The following PCDHGB7 variants were observed in gnomAD, a reference collection of about 807,000 sequenced individuals.
The protein encoded by PCDHGB7 is protocadherin gamma-B7.
Under a neutral mutation model 61.4 loss-of-function variants are expected in PCDHGB7, and 37 were observed. The observed-to-expected ratio is 0.60, with a 90% CI of 0.46 to 0.79. PCDHGB7 has a LOEUF of 0.79. Ranked by LOEUF, PCDHGB7 falls within the 30% of genes least tolerant of loss-of-function variation. The probability of loss-of-function intolerance (pLI) is 0.00; values close to 1 mark genes in which losing one functional copy is unlikely to be tolerated. For missense variants in PCDHGB7, 1,166 were observed against 1,202.5 expected, an observed-to-expected ratio of 0.97 and a Z score of 0.45; for synonymous variants, 464 against 503.5, an observed-to-expected ratio of 0.92 and a Z score of 1.05.
At chr5:141,488,855 C>T (rs1441666819) in intron 1 of PCDHGB7, among the ~76,000 whole-genome samples, 2 of 152,190 alleles carry the variant, frequency 1.3e-5, no homozygotes, top group Non-Finnish European at 1.5e-5. Context: ...ACCTGCAGCA[C>T]GAAGTGAGTG....
At chr5:141,427,812 G>A (rs1380721111) in intron 1 of PCDHGB7, 1 of 1,524,286 alleles carries the variant, frequency 6.6e-7, no homozygotes, top group African/African-American at 1.4e-5. Context: ...CGCACAGAGC[G>A]GGGTGGTGGT....
chr5:141,479,328 G>A (rs568506786), intron 1 of PCDHGB7: 1 of 152,654 alleles, frequency 6.6e-6, no homozygotes, highest in East Asian at 1.9e-4. Flanking sequence ...CAGACTCAGT[G>A]GTGTGCACCT....
chr5:141,448,795 A>T (rs577803435), intron 1 of PCDHGB7, among the ~76,000 whole-genome samples: 1 of 152,086 alleles, frequency 6.6e-6, no homozygotes, highest in African/African-American at 2.4e-5. Context: ...AAAAAAAAAA[A>T]TTAGCCAGGC....
rs776657082 is a variant in PCDHGB7, at chr5:141,432,778, G to A, written c.2415+12504G>A. On this transcript the variant is annotated intron_variant, in intron 1 of 3. Coordinates refer to ENST00000398594, the MANE Select transcript of PCDHGB7 (RefSeq NM_018927.4). The surrounding 1 kb of genome is among the most constrained non-coding windows in gnomAD (Gnocchi z 6.0). ...CCGACAGCATCCCCCAAGTCCTGGC[G>A]GACCTCGGCAGCCTCGAGTCTCCAG... 6.2e-7 allele frequency: 1 copy of A among 1,614,166 alleles called. No homozygotes were observed. Among genetic ancestry groups the A allele is most frequent in the Non-Finnish European group, 8.5e-7 (1 of 1,180,002 alleles).
rs377440259 is a variant in PCDHGB7 at position 141,420,256 on chromosome 5, T to C, written c.2397T>C (p.Asp799=). The C allele has an allele frequency of 1.3e-6, 2 of 1,569,010 alleles. No individual in the cohort carries two copies. The highest frequency in any genetic ancestry group is 1.7e-6 in the Non-Finnish European group (2 of 1,155,266). The change falls in exon 1 of 4, where the codon GAT becomes GAC. Residue 799 remains aspartate, a synonymous_variant. Coordinates refer to ENST00000398594, the MANE Select transcript of PCDHGB7 (RefSeq NM_018927.4). ...ASILTPSVEA[D]KKILKQQAPP... is the part of the protein sequence containing the mutation. ...TTTTAACTCCCAGCGTTGAAGCAGA[T>C]AAGAAGATTCTTAAACAGGTAAGTA...
rs1216840918 is a variant in PCDHGB7, at chr5:141,476,285, G to C, written c.2416-18522G>C. The C allele has an allele frequency of 1.2e-6, 2 of 1,614,036 alleles. No individual in the cohort carries two copies. The highest frequency in any genetic ancestry group is 1.7e-6 in the Non-Finnish European group (2 of 1,180,032). ...CAACGTGGTCGCGAACCTTGGTTTG[G>C]ATCTCGGTAGCCTCTCAGCCCGCAG... On this transcript the variant is annotated intron_variant, in intron 1 of 3. Coordinates refer to ENST00000398594, the MANE Select transcript of PCDHGB7 (RefSeq NM_018927.4). This position sits in a 1 kb window ranked among gnomAD's most constrained non-coding sequence, Gnocchi z 7.6.
chr5:141,456,103 T>C lies in PCDHGB7; in HGVS notation c.2415+35829T>C, dbSNP rs185224428. Among the ~76,000 whole-genome samples the C allele has an allele frequency of 2.6e-3, 390 of 152,142 alleles. 3 individuals are homozygous for C. The highest frequency in any genetic ancestry group is 6.7e-3 in the Admixed American group (103 of 15,290). On this transcript the variant is annotated intron_variant, in intron 1 of 3. Coordinates refer to ENST00000398594, the MANE Select transcript of PCDHGB7 (RefSeq NM_018927.4). The stretch of plus-strand genomic sequence containing the variant: ...CAGTAGAGACGGGATTTCACCGTGT[T>C]AGCCAGGATGGTCTCCATCTCCTGA...
intron 1 of PCDHGB7, among the ~76,000 whole-genome samples, chr5:141,436,292 G>T (rs2097808605): frequency 6.6e-6 from 1 of 152,158 alleles, no homozygotes; most frequent in Non-Finnish European, 1.5e-5. Context: ...ACAAATCATT[G>T]AGAGTTAGAG....
chr5:141,475,049 A>G (rs553607902), intron 1 of PCDHGB7, among the ~76,000 whole-genome samples: 81 of 152,346 alleles, frequency 5.3e-4, no homozygotes, highest in African/African-American at 1.8e-3. Context: ...TGTATTTTCT[A>G]AAGATTTGTG....
At chr5:141,510,534 C>T (rs1187165551) in intron 3 of PCDHGB7, among the ~76,000 whole-genome samples, 2 of 152,126 alleles carry the variant, frequency 1.3e-5, no homozygotes, top group African/African-American at 2.4e-5. Context: ...AGAGAAATAC[C>T]AGCGAATGTG....
In PCDHGB7 at chr5:141,418,527, G is replaced by A; in HGVS notation, c.668G>A (p.Ser223Asn). The change falls in exon 1 of 4, where the codon AGC becomes AAC. Residue 223 changes from serine to asparagine, a missense_variant. Physicochemically the swap from Ser to Asn is conservative, Grantham distance 46 (BLOSUM62 1). Coordinates refer to ENST00000398594, the MANE Select transcript of PCDHGB7 (RefSeq NM_018927.4). ...TALDGGDPPR[S>N]GTAQIRILVI... ...TTAGATGGTGGGGACCCTCCCCGAA[G>A]CGGTACTGCTCAGATAAGAATCCTG... The A allele has an allele frequency of 1.2e-6, 2 of 1,614,018 alleles. No homozygotes were observed. The highest frequency in any genetic ancestry group is 1.1e-5 in the South Asian group (1 of 91,078).
In PCDHGB7 at chr5:141,491,721, C is replaced by T. The variant is rs761584159; in HGVS notation, c.2416-3086C>T. On this transcript the variant is annotated intron_variant, in intron 1 of 3. Transcript: ENST00000398594. The surrounding 1 kb of genome is among the most constrained non-coding windows in gnomAD (Gnocchi z 6.9). The stretch of plus-strand genomic sequence containing the variant: ...GCCAGGTGAGGGGCTCGGCGCCGCC[C>T]CGGGCGACCCCTGGGGGCGGCACTG... 3 of 1,607,250 alleles carry T rather than the reference C, an allele frequency of 1.9e-6. No homozygotes were observed. Among genetic ancestry groups the T allele is most frequent in the Admixed American group, 1.7e-5 (1 of 58,860 alleles).
chr5:141,445,991 T>C (rs532620580), intron 1 of PCDHGB7, among the ~76,000 whole-genome samples: 147 of 152,168 alleles, frequency 9.7e-4, no homozygotes, highest in Admixed American at 3.4e-3. Context: ...TAAATAGAAA[T>C]AGGAAGATAA....
At position 141,472,368 on chromosome 5, in the gene PCDHGB7, C is replaced by T. The variant is rs555805048; in HGVS notation, c.2416-22439C>T. ...CATCCTGGCTAACACGGTGAAACCC[C>T]GTCTCCACTAAAAATAGAAAAAATT... is the stretch of plus-strand genomic sequence containing the variant. On this transcript the variant is annotated intron_variant, in intron 1 of 3. Transcript: ENST00000398594. Among the ~76,000 whole-genome samples, 214 of 152,012 alleles carry T rather than the reference C, an allele frequency of 1.4e-3. 1 individual carries two copies. The highest frequency in any genetic ancestry group is 4.8e-3 in the African/African-American group (199 of 41,452).
intron 1 of PCDHGB7, among the ~76,000 whole-genome samples, chr5:141,473,313 T>C (rs1173941642): frequency 2.7e-4 from 41 of 152,246 alleles, no homozygotes; most frequent in Non-Finnish European, 5.9e-5. Context: ...GCTATATTAA[T>C]AAGCATTAAG....
chr5:141,437,648 A>G (rs1291089695), intron 1 of PCDHGB7, among the ~76,000 whole-genome samples: 2 of 152,204 alleles, frequency 1.3e-5, no homozygotes, highest in African/African-American at 4.8e-5. Context: ...AGAAAAGCAA[A>G]CACATAGTTT....
Position 141,431,645 on chromosome 5 carries a change from T to C in PCDHGB7, c.2415+11371T>C. ...GGCGGCCCAAGTTTTCAAACTAGAT[T>C]GTAATTCAGGGACAATATCAACAAT... is the stretch of plus-strand genomic sequence containing the variant. On this transcript the variant is annotated intron_variant, in intron 1 of 3. Coordinates refer to ENST00000398594, the MANE Select transcript of PCDHGB7 (RefSeq NM_018927.4). This position sits in a 1 kb window ranked among gnomAD's most constrained non-coding sequence, Gnocchi z 4.8. 6.2e-7 allele frequency: 1 copy of C among 1,614,236 alleles called. No individual in the cohort carries two copies.
chr5:141,480,112 C>T (rs531082602), intron 1 of PCDHGB7, among the ~76,000 whole-genome samples: 2 of 152,190 alleles, frequency 1.3e-5, no homozygotes, highest in Admixed American at 1.3e-4. Flanking sequence ...TAGCATGGTG[C>T]CTGGCATATC....
At chr5:141,426,702 C>CA (rs1187798274) in intron 1 of PCDHGB7, 1 of 439,184 alleles carries the variant, frequency 2.3e-6, no homozygotes, top group Admixed American at 2.4e-5. Context: ...CATTGTTTTA[C>CA]AAATCAATGA....
Sources: allele counts gnomAD v4.1 joint callset (sites outside exome capture counted in the v4.1 genomes callset), GRCh38; gene constraint gnomAD v4.1.1; non-coding constraint Gnocchi (gnomAD v3.1); transcripts MANE v1.5; gene names NCBI Gene and HGNC (gene_info 2026-07-23, HGNC 2026-07-21).